The following ZNF729 variants were observed in gnomAD, a reference collection of about 807,000 sequenced individuals.
ZNF729 encodes the protein zinc finger protein 729.
A neutral mutation model predicts 12.2 loss-of-function variants in ZNF729; 15 were observed. That is an observed-to-expected ratio of 1.23 (90% CI 0.82 to 1.89). The LOEUF is 1.89. ZNF729 is among the 40% of genes most tolerant of loss of function. ZNF729 has a pLI of 0.00. For synonymous variants in ZNF729, 492 were observed against 476.3 expected (o/e 1.03, Z -0.43); for missense variants, 1,540 against 1,456.7 (o/e 1.06, Z -0.93).
At chr19:22,311,748 G>C (rs1818382207) in intron 3 of ZNF729, among the ~76,000 whole-genome samples, 1 of 152,110 alleles carries the variant, frequency 6.6e-6, no homozygotes, top group East Asian at 1.9e-4. Context: ...TTTATTTGTT[G>C]ACTTTCTGTC....
chr19:22,293,274 C>T (rs1427382874), intron 1 of ZNF729, among the ~76,000 whole-genome samples: 1 of 152,124 alleles, frequency 6.6e-6, no homozygotes, highest in Non-Finnish European at 1.5e-5. Flanking sequence ...CAATCTTCAC[C>T]TCCTGGGTTC....
intron 1 of ZNF729, among the ~76,000 whole-genome samples, chr19:22,298,022 A>C (rs920671697): frequency 7.0e-6 from 1 of 143,534 alleles, no homozygotes. Context: ...AAAAAAAAAA[A>C]AAAAACACAA....
chr19:22,313,636 C>A (rs1261658483), intron 3 of ZNF729, 35 bp from the exon 4 acceptor site: 2 of 1,423,642 alleles, frequency 1.4e-6, no homozygotes, highest in African/African-American at 1.4e-5. Context: ...CTGAGTCTAG[C>A]AAGTGGAATA....
chr19:22,305,327 T>C (rs76899249), intron 3 of ZNF729, among the ~76,000 whole-genome samples: 3,798 of 152,304 alleles, frequency 0.025, 153 homozygotes, highest in African/African-American at 0.087. Context: ...TCAGATATTT[T>C]TCTGTATGCA....
intron 1 of ZNF729, among the ~76,000 whole-genome samples, chr19:22,292,969 T>G (rs765624128): frequency 1.1e-4 from 16 of 152,220 alleles, no homozygotes; most frequent in Non-Finnish European, 4.4e-5. Flanking sequence ...ATGGTTGAAC[T>G]AATTTACACT....
chr19:22,308,494 A>G (rs547651094), intron 3 of ZNF729, among the ~76,000 whole-genome samples: 4 of 152,202 alleles, frequency 2.6e-5, no homozygotes, highest in South Asian at 2.1e-4. Context: ...TCAGCAGTGT[A>G]GAAGTGTTCC....
chr19:22,315,988 T>C lies in ZNF729; in HGVS notation c.2571T>C (p.Cys857=). The part of the protein sequence containing the change: ...TGKKPYKCEE[C]GKAFSQSSSL... ...AGAAACCCTACAAATGTGAAGAATG[T>C]GGCAAAGCTTTTAGCCAATCCTCAT... The change falls in exon 4 of 4, where the codon TGT becomes TGC. Residue 857 remains cysteine, a synonymous_variant. Transcript: ENST00000601693. 1 of 1,611,018 alleles carries C rather than the reference T, an allele frequency of 6.2e-7. No individual in the cohort carries two copies. The highest frequency in any genetic ancestry group is 8.5e-7 in the Non-Finnish European group (1 of 1,179,746).
chr19:22,312,018 CTCT>C (rs1968455853), intron 3 of ZNF729, among the ~76,000 whole-genome samples: 1 of 151,726 alleles, frequency 6.6e-6, no homozygotes, highest in South Asian at 2.1e-4. Flanking sequence ...CCTTATAAAC[CTCT>C]TGTTTAGCAT....
chr19:22,312,867 C>T (rs1411029355), intron 3 of ZNF729, among the ~76,000 whole-genome samples: 1 of 152,112 alleles, frequency 6.6e-6, no homozygotes, highest in Non-Finnish European at 1.5e-5. Flanking sequence ...GCGTGTGCCA[C>T]CACGCCCAGC....
intron 2 of ZNF729, 97 bp from the exon 3 acceptor site, chr19:22,304,591 G>T (rs1968356104): frequency 1.9e-6 from 2 of 1,063,186 alleles, no homozygotes; most frequent in Admixed American, 4.9e-5. Flanking sequence ...AGTATTGGGG[G>T]ATCAATTTAC....
intron 3 of ZNF729, among the ~76,000 whole-genome samples, chr19:22,308,511 A>G (rs1187516370): frequency 6.6e-6 from 1 of 151,886 alleles, no homozygotes; most frequent in Non-Finnish European, 1.5e-5. Flanking sequence ...TTCCCTGATC[A>G]CCACATACAC....
At chr19:22,290,156 A>G (rs1968133604) in intron 1 of ZNF729, among the ~76,000 whole-genome samples, 2 of 152,174 alleles carry the variant, frequency 1.3e-5, no homozygotes, top group African/African-American at 4.8e-5. Flanking sequence ...TTAAAGGACC[A>G]CTTAGTTTTT....
At chr19:22,307,316 ATTT>A (rs35650592) in intron 3 of ZNF729, among the ~76,000 whole-genome samples, 1,975 of 95,258 alleles carry the variant, frequency 0.021, 46 homozygotes, top group African/African-American at 0.071. Flanking sequence ...ACAATGTAGC[ATTT>A]TTTTTTTTTT....
chr19:22,303,153 T>A (rs1968335367), intron 1 of ZNF729, among the ~76,000 whole-genome samples: 1 of 152,198 alleles, frequency 6.6e-6, no homozygotes, highest in Admixed American at 6.6e-5. Flanking sequence ...TTAGATTTTC[T>A]TTGCATATAT....
intron 1 of ZNF729, among the ~76,000 whole-genome samples, chr19:22,294,635 CTTTTTT>C (rs796595709): frequency 8.2e-6 from 1 of 121,726 alleles, no homozygotes; most frequent in Non-Finnish European, 1.8e-5. Flanking sequence ...TTATCTCGGA[CTTTTTT>C]TTTTTTTTTC....
At chr19:22,297,793 C>T (rs1968248711) in intron 1 of ZNF729, among the ~76,000 whole-genome samples, 1 of 151,780 alleles carries the variant, frequency 6.6e-6, no homozygotes, top group Non-Finnish European at 1.5e-5. Flanking sequence ...CACCTGAGGT[C>T]AGGAATTTGA....
intron 3 of ZNF729, among the ~76,000 whole-genome samples, chr19:22,312,999 C>T (rs1351456440): frequency 1.3e-5 from 2 of 150,070 alleles, no homozygotes; most frequent in Non-Finnish European, 3.0e-5. Flanking sequence ...AGGCATGAGC[C>T]ACTGCGCCTG....
intron 3 of ZNF729, among the ~76,000 whole-genome samples, chr19:22,309,876 G>C (rs559578150): frequency 4.0e-5 from 6 of 151,566 alleles, no homozygotes; most frequent in African/African-American, 1.2e-4. Flanking sequence ...GTCATCTGTG[G>C]TTTCTTTTAG....
intron 3 of ZNF729, among the ~76,000 whole-genome samples, chr19:22,312,280 A>G (rs768863515): frequency 2.6e-5 from 4 of 152,098 alleles, no homozygotes; most frequent in African/African-American, 4.8e-5. Context: ...CTAATATTCT[A>G]TATACATTGT....
Sources: gnomAD v4.1 joint callset for allele counts (sites outside exome capture counted in the v4.1 genomes callset) on GRCh38, gnomAD v4.1.1 for gene constraint, MANE v1.5 for transcripts, NCBI Gene and HGNC (gene_info 2026-07-23, HGNC 2026-07-21) for gene names.